SPOP: variants seen among roughly 807,000 people sequenced by gnomAD.
SPOP encodes speckle-type POZ protein.
In SPOP, 11 loss-of-function variants were observed where a neutral mutation model predicts 45.6. The observed-to-expected ratio is 0.24, with a 90% confidence interval of 0.15 to 0.40. The LOEUF (loss-of-function observed/expected upper bound fraction) is 0.40. SPOP is among the 10% of genes least tolerant of loss of function. The pLI is 1.00. For missense variants in SPOP, 152 were observed against 465.6 expected (o/e 0.33, Z 6.20); for synonymous variants, 166 against 166.3 (o/e 1.00, Z 0.01).
chr17:49,657,297 A>C (rs377108020), intron 1 of SPOP, among the ~76,000 whole-genome samples: 14 of 152,322 alleles, frequency 9.2e-5, no homozygotes, highest in African/African-American at 3.1e-4. Flanking sequence ...AGGAATAATT[A>C]GGAAAAATCT....
chr17:49,622,062 C>T lies in SPOP; in HGVS notation c.84G>A (p.Lys28=). 2 of 1,613,446 alleles carry T rather than the reference C, an allele frequency of 1.2e-6. No homozygotes were observed. Among genetic ancestry groups the T allele is most frequent in the South Asian group, 2.2e-5 (2 of 90,934 alleles). The part of the protein sequence containing the change: ...VAESWCYTQI[K]VVKFSYMWTI... ...TCCACATGTAGGAGAATTTCACTAC[C>T]TTGATCTGTTGATAGAAAAACAGGA... is the stretch of plus-strand genomic sequence containing the variant. Residue 28 remains lysine, a synonymous_variant, in exon 3 of 10, where the codon AAG becomes AAA. Transcript: ENST00000504102.
intron 1 of SPOP, among the ~76,000 whole-genome samples, chr17:49,624,091 C>T (rs75955199): frequency 0.14 from 21,789 of 151,964 alleles, 2,032 homozygotes; most frequent in Non-Finnish European, 0.2. Flanking sequence ...CCTCCAACAG[C>T]CTTTCTAAAT....
At position 49,678,062 on chromosome 17, in the gene SPOP, C is replaced by G. The variant is rs1334539259; in HGVS notation, c.-196G>C. 1 of 399,128 alleles carries G rather than the reference C, an allele frequency of 2.5e-6. No individual in the cohort carries two copies. The highest frequency in any genetic ancestry group is 4.4e-6 in the Non-Finnish European group (1 of 226,364). 24.7% of individuals were successfully genotyped at this position (399,128 alleles called of 1,614,324 possible). A position where few individuals can be genotyped will look rare whatever the true frequency, so the allele number is the denominator to read the frequency against. On this transcript the variant is annotated 5_prime_UTR_variant, in exon 1 of 10. Transcript: ENST00000504102. ...CACTCGGAGCGCGCACACTCACACA[C>G]ACACATACACACCGACACACACCAG... is the stretch of plus-strand genomic sequence containing the variant.
chr17:49,677,885 C>G (rs1208543634), intron 1 of SPOP, 48 bp downstream of exon 1: 44 of 374,716 alleles, frequency 1.2e-4, no homozygotes, highest in Non-Finnish European at 1.9e-4. Flanking sequence ...GCCCCCCCCC[C>G]ACTCCGACAG....
chr17:49,664,632 C>T (rs28535643), intron 1 of SPOP, among the ~76,000 whole-genome samples: 3,911 of 152,148 alleles, frequency 0.026, 184 homozygotes, highest in African/African-American at 0.09. Context: ...AAGAAAAATA[C>T]GCCTGATTCC....
At chr17:49,668,777 T>TC (rs995422551) in intron 1 of SPOP, among the ~76,000 whole-genome samples, 1 of 146,136 alleles carries the variant, frequency 6.8e-6, no homozygotes, top group African/African-American at 2.5e-5. Flanking sequence ...ATACATATCT[T>TC]TTTTTTTTTT....
At chr17:49,658,472 C>A (rs1183973722) in intron 1 of SPOP, among the ~76,000 whole-genome samples, 1 of 152,126 alleles carries the variant, frequency 6.6e-6, no homozygotes, top group East Asian at 1.9e-4. Flanking sequence ...CAATAAAGAG[C>A]CACATAGGTG....
At chr17:49,657,408 TTC>T (rs1472337670) in intron 1 of SPOP, among the ~76,000 whole-genome samples, 1 of 152,120 alleles carries the variant, frequency 6.6e-6, no homozygotes, top group Non-Finnish European at 1.5e-5. Flanking sequence ...AGCAAATTTT[TTC>T]TTTCTTGAGA....
chr17:49,622,428 G>A (rs1233344335), intron 2 of SPOP: 6 of 516,204 alleles, frequency 1.2e-5, no homozygotes, highest in African/African-American at 1.9e-5. Flanking sequence ...GCCTGGGGTT[G>A]CACATCTCAA....
intron 1 of SPOP, among the ~76,000 whole-genome samples, chr17:49,639,481 T>C (rs2072606411): frequency 6.6e-6 from 1 of 152,146 alleles, no homozygotes. Context: ...ACAATCAAAG[T>C]GTTCATCAAC....
intron 3 of SPOP, among the ~76,000 whole-genome samples, chr17:49,620,042 C>A (rs1477539833): frequency 6.6e-6 from 1 of 151,990 alleles, no homozygotes; most frequent in Non-Finnish European, 1.5e-5. Context: ...TGGTGGCAGG[C>A]GCCTGTAATC....
At position 49,607,965 on chromosome 17, in the gene SPOP, TCA is replaced by T. The variant is rs756778387; in HGVS notation, c.659-38_659-37del. The stretch of plus-strand genomic sequence containing the variant: ...AAAGAGAAACAAGCAGATAAGGCTA[TCA>T]CAGTGAAATCTCTTGGTTGTTGCCA... On this transcript the variant is annotated intron_variant, in intron 6 of 9. Transcript: ENST00000504102. 6.2e-6 allele frequency: 10 copies of T among 1,603,042 alleles called. No individual in the cohort carries two copies. The Admixed American group carries it at 1.5e-4, about 24-fold the overall frequency.
intron 1 of SPOP, among the ~76,000 whole-genome samples, chr17:49,669,465 T>TAA (rs1338594142): frequency 8.1e-5 from 10 of 123,650 alleles, no homozygotes; most frequent in African/African-American, 2.7e-4. Flanking sequence ...TACGGAATAT[T>TAA]AAAAAAAAAA....
chr17:49,653,716 G>A (rs1453111470), intron 1 of SPOP, among the ~76,000 whole-genome samples: 5 of 150,436 alleles, frequency 3.3e-5, no homozygotes, highest in African/African-American at 1.2e-4. Flanking sequence ...AGAAGAGTGG[G>A]TACAAAAAAA....
chr17:49,636,586 CCTTAT>C (rs1254435219), intron 1 of SPOP, among the ~76,000 whole-genome samples: 1 of 152,138 alleles, frequency 6.6e-6, no homozygotes, highest in African/African-American at 2.4e-5. Context: ...TACACGCTTA[CCTTAT>C]ATGACTTTAA....
intron 1 of SPOP, among the ~76,000 whole-genome samples, chr17:49,643,357 A>G (rs1274463611): frequency 6.6e-6 from 1 of 152,234 alleles, no homozygotes; most frequent in East Asian, 1.9e-4. Flanking sequence ...ACAATAATGA[A>G]TAAGGCACAG....
chr17:49,670,110 C>T (rs1597987976), intron 1 of SPOP, among the ~76,000 whole-genome samples: 1 of 152,308 alleles, frequency 6.6e-6, no homozygotes, highest in Non-Finnish European at 1.5e-5. Flanking sequence ...ATCCAGCTCT[C>T]CCAAAGCTGC....
At chr17:49,610,222 GT>G (rs1290970553) in intron 6 of SPOP, among the ~76,000 whole-genome samples, 7 of 150,920 alleles carry the variant, frequency 4.6e-5, no homozygotes, top group Non-Finnish European at 7.4e-5. Flanking sequence ...CTTGAGTTTT[GT>G]TTTTTTTTCC....
At chr17:49,618,485 G>GA (rs928306809) in intron 5 of SPOP, 29 of 451,586 alleles carry the variant, frequency 6.4e-5, no homozygotes, top group East Asian at 1.4e-4. Context: ...CTTCACCCTA[G>GA]AAAAAAAATG....
Sources: gnomAD v4.1 joint callset for allele counts (sites outside exome capture counted in the v4.1 genomes callset) on GRCh38, gnomAD v4.1.1 for gene constraint, MANE v1.5 for transcripts, NCBI Gene and HGNC (gene_info 2026-07-23, HGNC 2026-07-21) for gene names.